Variants in ACAN observed in about 807,000 individuals in gnomAD.
ACAN encodes the protein aggrecan core protein.
A neutral mutation model predicts 169.1 loss-of-function variants in ACAN; 47 were observed. The ratio of observed to expected loss-of-function variants is 0.28; its 90% CI spans 0.22 to 0.35. ACAN has a LOEUF of 0.35. Among genes scored for constraint, ACAN ranks in the 10% least tolerant of loss-of-function variants. The pLI, the probability that ACAN is intolerant of heterozygous loss-of-function variation, is 1.00. For synonymous variants in ACAN, 1,115 were observed against 1,112.2 expected, an observed-to-expected ratio of 1.00 and a Z score of -0.05; for missense variants, 2,716 against 2,759.9, an observed-to-expected ratio of 0.98 and a Z score of 0.36.
At chr15:88,860,072 C>CTTTTTTTTTTTTTTTTT (rs57985365) in intron 12 of ACAN, among the ~76,000 whole-genome samples, 3 of 102,898 alleles carry the variant, frequency 2.9e-5, no homozygotes, top group African/African-American at 1.4e-4. Flanking sequence ...GCTGATTTTC[C>CTTTTTTTTTTTTTTTTT]TTTTTTTTTT....
At chr15:88,846,355 A>G (rs1341095206) in intron 7 of ACAN, among the ~76,000 whole-genome samples, 1 of 152,222 alleles carries the variant, frequency 6.6e-6, no homozygotes, top group East Asian at 1.9e-4. Flanking sequence ...CATATGGCCC[A>G]TGACTTAAGA....
rs149963286 is a variant in ACAN, at chr15:88,858,192, T to G, written c.5607T>G (p.Ser1869=). Residue 1869 remains serine (S), a synonymous_variant, in exon 12 of 19, where the codon TCT becomes TCG. Transcript: ENST00000560601. The surrounding 1 kb of genome is among the most constrained non-coding windows in gnomAD (Gnocchi z 4.0). ...PSGEADLSGK[S]GMVDVSGQFS... is the part of the protein sequence containing the mutation. ...GAGAGGCAGATCTGTCAGGCAAATC[T>G]GGGATGGTGGATGTCAGTGGACAGT... 6.2e-7 allele frequency: 1 copy of G among 1,613,968 alleles called. No homozygotes were observed. The highest frequency in any genetic ancestry group is 8.5e-7 in the Non-Finnish European group (1 of 1,179,896).
rs1596147321 is a variant in ACAN at position 88,858,295 on chromosome 15, G to A, written c.5710G>A (p.Val1904Ile). Residue 1904 changes from valine to isoleucine, a missense_variant, in exon 12 of 19, where the codon GTC becomes ATC. By Grantham distance (29) the Val-to-Ile change is conservative. Transcript: ENST00000560601. The surrounding 1 kb of genome is among the most constrained non-coding windows in gnomAD (Gnocchi z 4.0). ...FSGLPSGIAE[V>I]SGESSRAEIG... ...TGGCCTACCAAGTGGCATAGCTGAG[G>A]TCAGTGGAGAATCCTCCAGAGCTGA... The A allele has an allele frequency of 1.9e-6, 3 of 1,613,984 alleles. No homozygotes were observed. In the East Asian group the frequency reaches 6.7e-5, roughly 36 times the overall value.
At chr15:88,821,128 A>T (rs551628218) in intron 1 of ACAN, among the ~76,000 whole-genome samples, 5 of 152,170 alleles carry the variant, frequency 3.3e-5, no homozygotes, top group African/African-American at 1.2e-4. Flanking sequence ...CCCTCCCATG[A>T]TATATGGGAA....
At position 88,874,957 on chromosome 15, in the gene ACAN, C is replaced by T. The variant is rs371957402; in HGVS notation, c.*476C>T. On this transcript the variant is annotated 3_prime_UTR_variant, in exon 19 of 19. Transcript: ENST00000560601. This position sits in a 1 kb window ranked among gnomAD's most constrained non-coding sequence, Gnocchi z 7.3. The stretch of plus-strand genomic sequence containing the variant: ...GCCTGAGAGCAGGAAGAACTCGGAA[C>T]CGCAGCTGAATGTATTGGATGAGAA... 18 of 297,520 alleles carry T rather than the reference C, an allele frequency of 6.1e-5. No homozygotes were observed. The highest frequency in any genetic ancestry group is 5.2e-4 in the East Asian group (6 of 11,440). The allele number at this position is 297,520 out of a possible 1,614,324, so 18.4% of individuals were successfully genotyped here.
chr15:88,833,918 G>A (rs1194519028), intron 1 of ACAN, among the ~76,000 whole-genome samples: 1 of 152,186 alleles, frequency 6.6e-6, no homozygotes, highest in Admixed American at 6.5e-5. Context: ...GGTGTTCTGA[G>A]GGAAGAACAG....
At chr15:88,823,821 G>A (rs762013948) in intron 1 of ACAN, among the ~76,000 whole-genome samples, 4 of 152,110 alleles carry the variant, frequency 2.6e-5, no homozygotes, top group Non-Finnish European at 5.9e-5. Context: ...CCTGCTTGGT[G>A]GCCCAGGCCC....
Position 88,872,016 on chromosome 15 carries a change from C to G in ACAN, c.7233C>G (p.Asp2411Glu), listed in dbSNP as rs3817428. 0.24 allele frequency: 379,772 copies of G among 1,611,870 alleles called. 49,148 individuals carry two copies. Among genetic ancestry groups the G allele is most frequent in the Non-Finnish European group, 0.27 (313,578 of 1,178,012 alleles). Residue 2411 changes from aspartate to glutamate, a missense_variant, in exon 16 of 19, where the codon GAC becomes GAG. Physicochemically the swap from Asp to Glu is conservative, Grantham distance 45. This residue lies in a region of ACAN where 1,389 missense variants were observed against 1,363.7 expected (regional missense o/e 1.02). Transcript: ENST00000560601. This position sits in a 1 kb window ranked among gnomAD's most constrained non-coding sequence, Gnocchi z 5.4. ...CCCTTTCCCCAGACAATGCCCAAGA[C>G]TACCAGTGGATCGGCCTGAACGACA... ...EQEFVNNNAQDYQWIGLNDRT... is the reference protein window; with the variant it reads ...EQEFVNNNAQEYQWIGLNDRT...
At chr15:88,845,998 G>A in intron 7 of ACAN, 116 bp downstream of exon 7, 1 of 1,172,912 alleles carries the variant, frequency 8.5e-7, no homozygotes, top group South Asian at 2.2e-5. Flanking sequence ...GTGGGACAAT[G>A]TTCTCTCCTC....
Position 88,847,437 on chromosome 15 carries a change from C to G in ACAN, c.1604+20C>G. The G allele has an allele frequency of 6.5e-7, 1 of 1,538,768 alleles. No individual in the cohort carries two copies. The highest frequency in any genetic ancestry group is 8.8e-7 in the Non-Finnish European group (1 of 1,135,762). ...CGTCAGGTGAAGCCATGCTCCTCGC[C>G]CAGCCCAAACCCAATTGAAGAGGTC... is the stretch of plus-strand genomic sequence containing the variant. On this transcript the variant is annotated intron_variant, in intron 8 of 18. Transcript: ENST00000560601.
In ACAN at chr15:88,847,373, C is replaced by G. The variant is rs1896820534; in HGVS notation, c.1560C>G (p.Gly520=). 2 of 1,591,982 alleles carry G rather than the reference C, an allele frequency of 1.3e-6. No individual in the cohort carries two copies. The highest frequency in any genetic ancestry group is 1.7e-6 in the Non-Finnish European group (2 of 1,169,356). The change falls in exon 8 of 19, where the codon GGC becomes GGG. Residue 520 remains glycine (G), a synonymous_variant. Transcript: ENST00000560601. ...PEQLQAAYEA[G]YEQCDAGWLR... is the part of the protein sequence containing the mutation. ...AGCTCCAGGCCGCCTACGAAGCAGG[C>G]TATGAGCAGTGTGACGCCGGCTGGC...
Position 88,870,126 on chromosome 15 carries a change from C to T in ACAN, c.7061-1256C>T, listed in dbSNP as rs1897347355. ...TGAGGCACCAGAGGCCTCCACGGCCCCTCCTACAGCTCTGTTCTTTCTTCT... is the reference window on the plus strand; with the variant it reads ...TGAGGCACCAGAGGCCTCCACGGCCTCTCCTACAGCTCTGTTCTTTCTTCT... On this transcript the variant is annotated intron_variant, in intron 14 of 18. Transcript: ENST00000560601. The surrounding 1 kb of genome is among the most constrained non-coding windows in gnomAD (Gnocchi z 6.3). 3.9e-5 allele frequency among the ~76,000 whole-genome samples: 6 copies of T among 152,308 alleles called. No homozygotes were observed. Among genetic ancestry groups the T allele is most frequent in the African/African-American group, 7.2e-5 (3 of 41,558 alleles).
Position 88,856,983 on chromosome 15 carries a change from C to G in ACAN, c.4398C>G (p.Asp1466Glu), listed in dbSNP as rs1596145783. The part of the protein sequence containing the change: ...VLETSTSAVG[D>E]LSGLPSGGEV... ...AGACTTCTACCTCTGCGGTAGGGGACCTCAGTGGACTTCCTTCTGGAGGAG... is the reference window on the plus strand; with the variant it reads ...AGACTTCTACCTCTGCGGTAGGGGAGCTCAGTGGACTTCCTTCTGGAGGAG... The change falls in exon 12 of 19, where the codon GAC becomes GAG. Residue 1466 changes from aspartate (D) to glutamate (E), a missense_variant. Asp to Glu is a conservative substitution (Grantham distance 45). Around this residue, in one of 3 missense-constraint regions of ACAN, gnomAD observed 1,389 missense variants for 1,363.7 expected, o/e 1.02. Coordinates refer to ENST00000560601, the MANE Select transcript of ACAN (RefSeq NM_001369268.1). 6.2e-7 allele frequency: 1 copy of G among 1,613,184 alleles called. No homozygotes were observed. The highest frequency in any genetic ancestry group is 2.2e-5 in the East Asian group (1 of 44,768).
chr15:88,859,333 A>G lies in ACAN; in HGVS notation c.6748A>G (p.Thr2250Ala), dbSNP rs769936963. 1.9e-6 allele frequency: 3 copies of G among 1,604,366 alleles called. No individual in the cohort carries two copies. The highest frequency in any genetic ancestry group is 2.6e-6 in the Non-Finnish European group (3 of 1,175,360). Reference sequence around the variant, plus strand: ...CCTGTACTCAGGAGAAGAGACTCACACAGTCGAAACAGCCACCTCCCCAAC... The same window carrying G: ...CCTGTACTCAGGAGAAGAGACTCACGCAGTCGAAACAGCCACCTCCCCAAC... ...SLLYSGEETH[T>A]VETATSPTDA... Residue 2250 changes from threonine (T) to alanine (A), a missense_variant, in exon 12 of 19, where the codon ACA (threonine) becomes GCA (alanine). This residue lies in a region of ACAN where 1,389 missense variants were observed against 1,363.7 expected (regional missense o/e 1.02). Transcript: ENST00000560601.
Position 88,873,554 on chromosome 15 carries a change from G to A in ACAN, c.7448-288G>A, listed in dbSNP as rs1567195199. Reference sequence around the variant, plus strand: ...CTGAACTAGATGTTTTCATCAAGAAGCCTGAGTCTGCCTGGCTCTCGCCCT... The same window carrying A: ...CTGAACTAGATGTTTTCATCAAGAAACCTGAGTCTGCCTGGCTCTCGCCCT... On this transcript the variant is annotated intron_variant, in intron 17 of 18. Coordinates refer to ENST00000560601, the MANE Select transcript of ACAN (RefSeq NM_001369268.1). The surrounding 1 kb of genome is among the most constrained non-coding windows in gnomAD (Gnocchi z 7.5). 2.6e-5 allele frequency among the ~76,000 whole-genome samples: 4 copies of A among 152,208 alleles called. No homozygotes were observed. The highest frequency in any genetic ancestry group is 9.7e-5 in the African/African-American group (4 of 41,450).
chr15:88,810,808 G>C (rs1039300209), intron 1 of ACAN, among the ~76,000 whole-genome samples: 2 of 152,252 alleles, frequency 1.3e-5, no homozygotes, highest in Admixed American at 1.3e-4. Context: ...GCTTGGAGGC[G>C]GGGAATCTGT....
chr15:88,838,308 G>A lies in ACAN; in HGVS notation c.71-355G>A, dbSNP rs566970370. Among the ~76,000 whole-genome samples, 2 of 152,184 alleles carry A rather than the reference G, an allele frequency of 1.3e-5. No homozygotes were observed. Among genetic ancestry groups the A allele is most frequent in the South Asian group, 4.2e-4 (2 of 4,808 alleles). The stretch of plus-strand genomic sequence containing the variant: ...GTTAAGCTGTCACTCCAAGGAGATG[G>A]GTCCTGTTTTATTCCACGCTTTGGT... On this transcript the variant is annotated intron_variant, in intron 2 of 18. Transcript: ENST00000560601. This position sits in a 1 kb window ranked among gnomAD's most constrained non-coding sequence, Gnocchi z 5.1.
At chr15:88,812,954 C>T (rs1377898197) in intron 1 of ACAN, among the ~76,000 whole-genome samples, 3 of 152,184 alleles carry the variant, frequency 2.0e-5, no homozygotes, top group Non-Finnish European at 4.4e-5. Flanking sequence ...CCTTCCAAGG[C>T]CAGCAACAGG....
chr15:88,813,231 G>A (rs143682480), intron 1 of ACAN, among the ~76,000 whole-genome samples: 15 of 152,340 alleles, frequency 9.8e-5, no homozygotes, highest in African/African-American at 2.4e-4. Context: ...TTCAGAGTCC[G>A]CGGGGGTCAG....
Sources: allele counts gnomAD v4.1 joint callset (sites outside exome capture counted in the v4.1 genomes callset), GRCh38; gene constraint gnomAD v4.1.1; regional missense constraint gnomAD v4.1.1; non-coding constraint Gnocchi (gnomAD v3.1); transcripts MANE v1.5; gene names NCBI Gene and HGNC (gene_info 2026-07-23, HGNC 2026-07-21).